The following PLXNA1 variants were observed in gnomAD, a reference collection of about 807,000 sequenced individuals.
PLXNA1 encodes the protein plexin-A1.
In PLXNA1, 77 loss-of-function variants were observed where a neutral mutation model predicts 191.7. The ratio of observed to expected loss-of-function variants is 0.40; its 90% confidence interval spans 0.33 to 0.49. The LOEUF (loss-of-function observed/expected upper bound fraction) is 0.49, where lower values mean the gene tolerates loss of function less well. Among genes scored for constraint, PLXNA1 ranks in the 20% least tolerant of loss-of-function variants. PLXNA1 has a pLI of 0.63. For missense variants in PLXNA1, 2,110 were observed against 2,660.2 expected, an observed-to-expected ratio of 0.79 and a Z score of 4.55; for synonymous variants, 1,137 against 1,156.4, an observed-to-expected ratio of 0.98 and a Z score of 0.34.
rs372065936 is a variant in PLXNA1 at position 127,007,883 on chromosome 3, C to T, written c.2082C>T (p.Ala694=). 41 of 1,611,750 alleles carry T rather than the reference C, an allele frequency of 2.5e-5. No individual in the cohort carries two copies. Among genetic ancestry groups the T allele is most frequent in the Non-Finnish European group, 3.5e-5 (41 of 1,178,906 alleles). ...HVCTHNVADC[A]FLEGRVNVSE... ...GCACACACAACGTGGCTGACTGCGCCTTCCTGGAGGGCCGTGTCAACGTGT... is the reference window on the plus strand; with the variant it reads ...GCACACACAACGTGGCTGACTGCGCTTTCCTGGAGGGCCGTGTCAACGTGT... The change falls in exon 9 of 32, where the codon GCC becomes GCT. Residue 694 remains alanine (A), a synonymous_variant. Coordinates refer to ENST00000393409, the MANE Select transcript of PLXNA1 (RefSeq NM_032242.4).
chr3:127,000,004 C>T (rs1423867962), intron 3 of PLXNA1, among the ~76,000 whole-genome samples: 1 of 152,048 alleles, frequency 6.6e-6, no homozygotes, highest in Non-Finnish European at 1.5e-5. Flanking sequence ...CCGTGTTCCG[C>T]CAGCCAGGGG....
At chr3:127,013,458 A>G (rs2079105697) in intron 10 of PLXNA1, among the ~76,000 whole-genome samples, 1 of 152,224 alleles carries the variant, frequency 6.6e-6, no homozygotes, top group African/African-American at 2.4e-5. Flanking sequence ...TGTGGCAGAA[A>G]GTGGGGCACA....
At position 127,029,939 on chromosome 3, in the gene PLXNA1, G is replaced by A. The variant is rs779567871; in HGVS notation, c.4936G>A (p.Asp1646Asn). ...LRSRTPMITPDLESGTKLWHL... is the reference protein window; with the variant it reads ...LRSRTPMITPNLESGTKLWHL... ...CTCGCGCACGCCCATGATCACGCCC[G>A]ACCTGGAGAGCGGCACCAAGCTGTG... Residue 1646 changes from aspartate to asparagine, a missense_variant, in exon 28 of 32, where the codon GAC (aspartate) becomes AAC (asparagine). This residue lies in a region of PLXNA1 where 559 missense variants were observed against 911.5 expected (regional missense o/e 0.61). Coordinates refer to ENST00000393409, the MANE Select transcript of PLXNA1 (RefSeq NM_032242.4). The A allele has an allele frequency of 2.5e-6, 4 of 1,613,476 alleles. No homozygotes were observed. The highest frequency in any genetic ancestry group is 8.5e-7 in the Non-Finnish European group (1 of 1,179,948).
chr3:127,001,009 G>A lies in PLXNA1; in HGVS notation c.1378-2321G>A, dbSNP rs573271417. ...GTGGGTGGACAGATGGGTACATGGCGGATGGACAGCTGGACGCGTGTGCTC... is the reference window on the plus strand; with the variant it reads ...GTGGGTGGACAGATGGGTACATGGCAGATGGACAGCTGGACGCGTGTGCTC... On this transcript the variant is annotated intron_variant, in intron 3 of 31. Coordinates refer to ENST00000393409, the MANE Select transcript of PLXNA1 (RefSeq NM_032242.4). 1.9e-3 allele frequency among the ~76,000 whole-genome samples: 288 copies of A among 152,292 alleles called. 1 individual carries two copies. Among genetic ancestry groups the A allele is most frequent in the African/African-American group, 6.6e-3 (274 of 41,560 alleles).
At position 127,014,604 on chromosome 3, in the gene PLXNA1, G is replaced by A; in HGVS notation, c.2731G>A (p.Glu911Lys). 1 of 1,613,306 alleles carries A rather than the reference G, an allele frequency of 6.2e-7. No homozygotes were observed. Among genetic ancestry groups the A allele is most frequent in the Non-Finnish European group, 8.5e-7 (1 of 1,179,848 alleles). ...GGGCAAGGTGCTGTGCAGCCCTGTG[G>A]AGAGCGAGTACATCAGTGCGGAGCA... is the stretch of plus-strand genomic sequence containing the variant. ...RVGKVLCSPV[E>K]SEYISAEQIV... The change falls in exon 13 of 32, where the codon GAG (glutamate) becomes AAG (lysine). Residue 911 changes from glutamate (E) to lysine (K), a missense_variant. By Grantham distance (56) the Glu-to-Lys change is moderately conservative. Transcript: ENST00000393409.
rs747887547 is a variant in PLXNA1, at chr3:127,004,939, G to A, written c.1674G>A (p.Ala558=). The A allele has an allele frequency of 1.7e-5, 27 of 1,608,798 alleles. No homozygotes were observed. The highest frequency in any genetic ancestry group is 4.5e-5 in the East Asian group (2 of 44,730). ...ERADEPQRFA[A]DLLQCVQLTV... ...CAGACGAGCCCCAGCGCTTTGCTGC[G>A]GACCTGCTGCAGTGTGTGCAGCTGA... is the stretch of plus-strand genomic sequence containing the variant. Residue 558 remains alanine, a synonymous_variant, in exon 6 of 32, where the codon GCG becomes GCA. Coordinates refer to ENST00000393409, the MANE Select transcript of PLXNA1 (RefSeq NM_032242.4).
At chr3:127,030,992 TA>T (rs2079207361) in intron 29 of PLXNA1, among the ~76,000 whole-genome samples, 1 of 152,146 alleles carries the variant, frequency 6.6e-6, no homozygotes, top group Admixed American at 6.5e-5. Context: ...TGGGTTTTGT[TA>T]TGAAGAGGCA....
chr3:127,012,272 G>A (rs1418741211), intron 10 of PLXNA1, 114 bp downstream of exon 10: 2 of 1,100,092 alleles, frequency 1.8e-6, no homozygotes, highest in Admixed American at 2.2e-5. Flanking sequence ...GTGCTCACGT[G>A]TATCTCTGAT....
At position 127,005,214 on chromosome 3, in the gene PLXNA1, G is replaced by T; in HGVS notation, c.1868G>T (p.Arg623Leu). The change falls in exon 7 of 32, where the codon CGG becomes CTG. Residue 623 changes from arginine to leucine, a missense_variant. By Grantham distance (102) the Arg-to-Leu change is moderately radical (BLOSUM62 -2). This residue lies in a region of PLXNA1 where 903 missense variants were observed against 1,015.7 expected (regional missense o/e 0.89). Coordinates refer to ENST00000393409, the MANE Select transcript of PLXNA1 (RefSeq NM_032242.4). Reference protein sequence around the residue: ...GRIHCRSPSAREVAPITRGQG... With the variant: ...GRIHCRSPSALEVAPITRGQG... ...ATCCACTGCCGCTCACCCTCCGCCC[G>T]GGAGGTGGCGCCCATCACGCGGGGC... The T allele has an allele frequency of 1.2e-6, 2 of 1,610,682 alleles. No homozygotes were observed. Among genetic ancestry groups the T allele is most frequent in the Non-Finnish European group, 1.7e-6 (2 of 1,179,148 alleles).
intron 15 of PLXNA1, among the ~76,000 whole-genome samples, chr3:127,015,556 C>T (rs1419875991): frequency 6.6e-6 from 1 of 152,148 alleles, no homozygotes; most frequent in Non-Finnish European, 1.5e-5. Flanking sequence ...CTGCCTCTGC[C>T]CTGGTTCTTC....
At chr3:127,010,082 C>T (rs771768409) in intron 9 of PLXNA1, among the ~76,000 whole-genome samples, 5 of 152,194 alleles carry the variant, frequency 3.3e-5, no homozygotes, top group Non-Finnish European at 7.3e-5. Context: ...GAGCCTTGTG[C>T]GCTGGCAAAA....
intron 21 of PLXNA1, 125 bp downstream of exon 21, chr3:127,020,469 C>T (rs2079146985): frequency 2.4e-6 from 3 of 1,227,376 alleles, no homozygotes; most frequent in South Asian, 1.5e-5. Context: ...AGGGTCCAGG[C>T]CTGCAGGGCT....
intron 29 of PLXNA1, chr3:127,031,716 G>A (rs914721887): frequency 6.6e-6 from 1 of 152,554 alleles, no homozygotes; most frequent in Non-Finnish European, 1.5e-5. Flanking sequence ...CCCTCTCCTG[G>A]GCCATGCTGA....
At chr3:127,012,245 C>G in intron 10 of PLXNA1, 87 bp downstream of exon 10, 4 of 1,368,728 alleles carry the variant, frequency 2.9e-6, no homozygotes, top group Non-Finnish European at 3.0e-6. Context: ...TGTGCTTGTT[C>G]ATAAAGGGCA....
chr3:127,021,744 G>A (rs2079153012), intron 21 of PLXNA1, among the ~76,000 whole-genome samples: 1 of 152,186 alleles, frequency 6.6e-6, no homozygotes, highest in South Asian at 2.1e-4. Flanking sequence ...GGTGGCGTGA[G>A]CAGCCCCTCT....
chr3:127,011,500 A>C (rs1426951617), intron 9 of PLXNA1, among the ~76,000 whole-genome samples: 4 of 152,240 alleles, frequency 2.6e-5, no homozygotes, highest in Non-Finnish European at 5.9e-5. Context: ...TCCTGAGGCC[A>C]GCAGCAGCCA....
In PLXNA1 at chr3:127,020,126, C is replaced by T; in HGVS notation, c.3896-76C>T. On this transcript the variant is annotated intron_variant, in intron 20 of 31. Coordinates refer to ENST00000393409, the MANE Select transcript of PLXNA1 (RefSeq NM_032242.4). The stretch of plus-strand genomic sequence containing the variant: ...TGTCAGAGCCAGGATTTGATGTAGG[C>T]CCCAAGAGTGGGAGGGTTGGGGCAT... 3 of 1,554,258 alleles carry T rather than the reference C, an allele frequency of 1.9e-6. No homozygotes were observed. The South Asian group carries it at 3.5e-5, about 18-fold the overall frequency.
intron 20 of PLXNA1, among the ~76,000 whole-genome samples, chr3:127,019,909 C>T (rs1033540379): frequency 2.0e-4 from 30 of 152,310 alleles, no homozygotes; most frequent in African/African-American, 6.3e-4. Flanking sequence ...AGCTGCTCTA[C>T]GCTTAACTGC....
At chr3:127,026,013 G>T (rs1427494843) in intron 23 of PLXNA1, among the ~76,000 whole-genome samples, 1 of 152,228 alleles carries the variant, frequency 6.6e-6, no homozygotes, top group African/African-American at 2.4e-5. Context: ...TTGTCGTAAT[G>T]TCATTTATTG....
Sources: allele counts gnomAD v4.1 joint callset (sites outside exome capture counted in the v4.1 genomes callset), GRCh38; gene constraint gnomAD v4.1.1; regional missense constraint gnomAD v4.1.1; transcripts MANE v1.5; gene names NCBI Gene and HGNC (gene_info 2026-07-23, HGNC 2026-07-21).